Variants in TENM2 observed in about 807,000 individuals in gnomAD.
TENM2 encodes the protein teneurin-2.
Under a neutral mutation model 245.2 loss-of-function variants are expected in TENM2, and 52 were observed. The observed-to-expected ratio is 0.21, with a 90% CI of 0.17 to 0.27. The LOEUF (loss-of-function observed/expected upper bound fraction) is 0.27, where lower values mean the gene tolerates loss of function less well. TENM2 is among the 10% of genes least tolerant of loss of function. TENM2 has a pLI of 1.00. For missense variants in TENM2, 3,046 were observed against 3,666.8 expected (o/e 0.83, Z 4.37); for synonymous variants, 1,363 against 1,438.9 (o/e 0.95, Z 1.19).
At chr5:167,488,388 T>G (rs1266011370) in intron 2 of TENM2, among the ~76,000 whole-genome samples, 1 of 152,158 alleles carries the variant, frequency 6.6e-6, no homozygotes, top group East Asian at 1.9e-4. Context: ...TTATCAAGGT[T>G]ATTAATTACT....
chr5:167,335,219 G>A (rs1757686152), intron 1 of TENM2, among the ~76,000 whole-genome samples: 1 of 152,150 alleles, frequency 6.6e-6, no homozygotes, highest in Non-Finnish European at 1.5e-5. Flanking sequence ...GAAAGCAGGA[G>A]CAAAGAGAGG....
At chr5:167,872,168 C>T (rs1238496393) in intron 2 of TENM2, among the ~76,000 whole-genome samples, 1 of 151,634 alleles carries the variant, frequency 6.6e-6, no homozygotes, top group Non-Finnish European at 1.5e-5. Flanking sequence ...TGGCTTGCAT[C>T]TGTAATCCCA....
intron 2 of TENM2, among the ~76,000 whole-genome samples, chr5:167,551,243 CTA>C (rs777178454): frequency 6.6e-6 from 1 of 152,156 alleles, no homozygotes; most frequent in Admixed American, 6.5e-5. Context: ...ATAGTGTTGA[CTA>C]TGTGTCAGGC....
chr5:168,108,857 G>C (rs1035074740), intron 9 of TENM2, among the ~76,000 whole-genome samples: 1 of 151,482 alleles, frequency 6.6e-6, no homozygotes. Flanking sequence ...CCTCTGCACC[G>C]CGGAGAACAA....
the TENM2 span, among the ~76,000 whole-genome samples, chr5:167,222,492 A>G: frequency 6.6e-6 from 1 of 152,218 alleles, no homozygotes; most frequent in Non-Finnish European, 1.5e-5. Context: ...ACTTTTAGAA[A>G]TAATGACATA....
intron 2 of TENM2, among the ~76,000 whole-genome samples, chr5:167,773,616 C>A (rs1221768108): frequency 1.3e-5 from 2 of 152,106 alleles, no homozygotes; most frequent in Admixed American, 1.3e-4. Context: ...TTGTTCTTTC[C>A]TGTCCTGCTA....
chr5:167,288,558 C>CAA (rs58929279), intron 1 of TENM2, among the ~76,000 whole-genome samples: 13,638 of 93,370 alleles, frequency 0.15, 1,020 homozygotes, highest in African/African-American at 0.26. Context: ...GACTCCGTCT[C>CAA]AAAAAAAAAA....
chr5:167,233,588 G>T, the TENM2 span, among the ~76,000 whole-genome samples: 1 of 152,138 alleles, frequency 6.6e-6, no homozygotes, highest in African/African-American at 2.4e-5. Context: ...CAATTAGGGA[G>T]AGTGAAATAG....
intron 2 of TENM2, among the ~76,000 whole-genome samples, chr5:167,853,297 A>AAAAAAAAAAAAAAAAAG (rs1561856624): frequency 7.1e-6 from 1 of 141,504 alleles, no homozygotes; most frequent in African/African-American, 2.7e-5. Flanking sequence ...CTCAAAAAAA[A>AAAAAAAAAAAAAAAAAG]AAAAAAAAAA....
intron 12 of TENM2, chr5:168,129,748 A>G (rs962555770): frequency 1.3e-5 from 2 of 152,204 alleles, no homozygotes; most frequent in Non-Finnish European, 2.9e-5. Context: ...CACTTCTGTC[A>G]TTTCATTTAA....
At chr5:167,511,652 T>C (rs1397553710) in intron 2 of TENM2, among the ~76,000 whole-genome samples, 1 of 152,190 alleles carries the variant, frequency 6.6e-6, no homozygotes, top group Non-Finnish European at 1.5e-5. Context: ...GATTACAAGC[T>C]CCAGTCAATG....
chr5:167,403,541 TG>T (rs2127389889), intron 2 of TENM2, among the ~76,000 whole-genome samples: 1 of 152,242 alleles, frequency 6.6e-6, no homozygotes, highest in Admixed American at 6.5e-5. Flanking sequence ...CCTGAACGTA[TG>T]GGTCATGGTA....
chr5:167,552,525 C>T (rs1004568571), intron 2 of TENM2, among the ~76,000 whole-genome samples: 1 of 152,128 alleles, frequency 6.6e-6, no homozygotes, highest in Non-Finnish European at 1.5e-5. Context: ...CATCCTTCCC[C>T]CCAACCCGCC....
At chr5:167,935,198 A>AT (rs2151730140) in intron 3 of TENM2, among the ~76,000 whole-genome samples, 1 of 152,234 alleles carries the variant, frequency 6.6e-6, no homozygotes, top group East Asian at 1.9e-4. Flanking sequence ...GTCAGTGCCG[A>AT]TGGCACTCTT....
intron 3 of TENM2, among the ~76,000 whole-genome samples, chr5:167,891,870 C>T (rs2151465732): frequency 6.6e-6 from 1 of 152,248 alleles, no homozygotes; most frequent in African/African-American, 2.4e-5. Context: ...CCTTGACTTG[C>T]CCACTTCCTC....
chr5:168,117,442 A>G (rs1246107872), intron 9 of TENM2, among the ~76,000 whole-genome samples: 1 of 152,196 alleles, frequency 6.6e-6, no homozygotes, highest in Non-Finnish European at 1.5e-5. Flanking sequence ...TACACATACC[A>G]TGTTTTCCCT....
chr5:167,480,108 A>G (rs1363555208), intron 2 of TENM2, among the ~76,000 whole-genome samples: 1 of 152,212 alleles, frequency 6.6e-6, no homozygotes, highest in Non-Finnish European at 1.5e-5. Context: ...CCTGCTTTGC[A>G]TATTTGAATC....
chr5:168,121,294 T>TGA (rs1795452321), intron 10 of TENM2, among the ~76,000 whole-genome samples: 1 of 152,226 alleles, frequency 6.6e-6, no homozygotes, highest in African/African-American at 2.4e-5. Flanking sequence ...AGTGTAACAC[T>TGA]GTTTCTATTT....
At chr5:168,072,082 T>G (rs186458349) in intron 7 of TENM2, among the ~76,000 whole-genome samples, 30 of 152,314 alleles carry the variant, frequency 2.0e-4, no homozygotes, top group Non-Finnish European at 3.5e-4. Flanking sequence ...ATGTTTGATA[T>G]ATTTTCACAG....
Sources: allele counts gnomAD v4.1 joint callset (sites outside exome capture counted in the v4.1 genomes callset), GRCh38; gene constraint gnomAD v4.1.1; transcripts MANE v1.5; gene names NCBI Gene and HGNC (gene_info 2026-07-23, HGNC 2026-07-21).